Variants in SNTG1 observed in about 807,000 individuals in gnomAD.
SNTG1 encodes gamma-1-syntrophin.
Under a neutral mutation model 74.7 loss-of-function variants are expected in SNTG1, and 39 were observed. The ratio of observed to expected loss-of-function variants is 0.52; its 90% CI spans 0.40 to 0.68. The LOEUF is 0.68. SNTG1 is among the 30% of genes least tolerant of loss of function. SNTG1 has a pLI of 0.00. For missense variants in SNTG1, 685 were observed against 609.5 expected (o/e 1.12, Z -1.30); for synonymous variants, 254 against 217.1 (o/e 1.17, Z -1.49).
intron 15 of SNTG1, among the ~76,000 whole-genome samples, chr8:50,701,800 CTCTTCT>C (rs879524606): frequency 3.5e-5 from 5 of 142,890 alleles, no homozygotes; most frequent in Admixed American, 7.1e-5. Flanking sequence ...CCTCCTCCTC[CTCTTCT>C]TCTTCTTCTT....
chr8:50,209,018 G>A (rs1316824417), intron 2 of SNTG1, among the ~76,000 whole-genome samples: 3 of 152,054 alleles, frequency 2.0e-5, no homozygotes, highest in Non-Finnish European at 2.9e-5. Flanking sequence ...CTGGAAAATC[G>A]GTACATTCCC....
At chr8:50,392,077 G>A (rs897227555) in intron 2 of SNTG1, among the ~76,000 whole-genome samples, 4 of 152,088 alleles carry the variant, frequency 2.6e-5, no homozygotes, top group Non-Finnish European at 5.9e-5. Context: ...AGACAGTAAG[G>A]AAAACTAGGA....
At chr8:50,659,999 C>A (rs1378339376) in intron 15 of SNTG1, among the ~76,000 whole-genome samples, 1 of 151,998 alleles carries the variant, frequency 6.6e-6, no homozygotes, top group South Asian at 2.1e-4. Flanking sequence ...GCCACCATGC[C>A]CAGCTAACTT....
At chr8:50,273,322 T>C (rs1267072440) in intron 2 of SNTG1, among the ~76,000 whole-genome samples, 2 of 152,200 alleles carry the variant, frequency 1.3e-5, no homozygotes. Context: ...ACACAAGTTC[T>C]GACAGAAGTC....
chr8:50,298,260 A>G (rs1012157326), intron 2 of SNTG1, among the ~76,000 whole-genome samples: 14 of 152,140 alleles, frequency 9.2e-5, no homozygotes, highest in African/African-American at 3.4e-4. Context: ...TCAAGAAGTA[A>G]TAATACCTGG....
intron 1 of SNTG1, among the ~76,000 whole-genome samples, chr8:50,166,896 G>A (rs2082632923): frequency 6.6e-6 from 1 of 151,144 alleles, no homozygotes; most frequent in East Asian, 1.9e-4. Context: ...TGATAGACTG[G>A]ATTAAGAAAA....
intron 18 of SNTG1, among the ~76,000 whole-genome samples, chr8:50,780,817 T>G (rs1176003045): frequency 1.3e-5 from 2 of 152,244 alleles, no homozygotes; most frequent in African/African-American, 4.8e-5. Flanking sequence ...TTTGGATCTT[T>G]CCTGCTTTCT....
intron 9 of SNTG1, among the ~76,000 whole-genome samples, chr8:50,506,710 G>T (rs1417284720): frequency 6.6e-6 from 1 of 151,942 alleles, no homozygotes; most frequent in Non-Finnish European, 1.5e-5. Flanking sequence ...TTTTGTGTGT[G>T]TGTTTAAACT....
At chr8:50,444,691 A>C (rs1329999183) in intron 5 of SNTG1, among the ~76,000 whole-genome samples, 2 of 150,784 alleles carry the variant, frequency 1.3e-5, no homozygotes, top group East Asian at 4.0e-4. Flanking sequence ...CAGAGGTTGC[A>C]GTGAGCCAAG....
intron 4 of SNTG1, among the ~76,000 whole-genome samples, chr8:50,403,547 TA>T (rs1303548999): frequency 6.6e-6 from 1 of 152,164 alleles, no homozygotes; most frequent in African/African-American, 2.4e-5. Context: ...GATCAAAAAA[TA>T]AAATCAGTAA....
intron 12 of SNTG1, among the ~76,000 whole-genome samples, chr8:50,573,507 A>G (rs1391198426): frequency 2.0e-5 from 3 of 151,922 alleles, no homozygotes; most frequent in Non-Finnish European, 4.4e-5. Context: ...AAATGTGCAT[A>G]TATTTGTCAT....
At chr8:50,215,382 A>G (rs1488847979) in intron 2 of SNTG1, among the ~76,000 whole-genome samples, 2 of 147,964 alleles carry the variant, frequency 1.4e-5, no homozygotes, top group East Asian at 3.9e-4. Context: ...GTATATAAAT[A>G]TATATATGTG....
At chr8:50,284,096 ACAGAC>A (rs2088627824) in intron 2 of SNTG1, among the ~76,000 whole-genome samples, 1 of 152,096 alleles carries the variant, frequency 6.6e-6, no homozygotes, top group South Asian at 2.1e-4. Context: ...TAACGGTGTC[ACAGAC>A]ATTCTTTGGT....
At chr8:50,471,050 T>C (rs1344319901) in intron 8 of SNTG1, among the ~76,000 whole-genome samples, 1 of 152,066 alleles carries the variant, frequency 6.6e-6, no homozygotes, top group Non-Finnish European at 1.5e-5. Flanking sequence ...ATTGATGCAT[T>C]TACAAACTTT....
intron 1 of SNTG1, among the ~76,000 whole-genome samples, chr8:50,090,040 G>A (rs1016102322): frequency 9.2e-5 from 14 of 152,234 alleles, no homozygotes; most frequent in Middle Eastern, 3.2e-3. Flanking sequence ...GGCTAGGGCC[G>A]TAAGAGTGTC....
intron 5 of SNTG1, among the ~76,000 whole-genome samples, chr8:50,444,075 T>C (rs2093383240): frequency 1.3e-5 from 2 of 151,888 alleles, no homozygotes; most frequent in Admixed American, 1.3e-4. Context: ...GAGGCAGAGG[T>C]CGCAGTGAGC....
At chr8:49,965,251 G>A (rs940692344) in intron 1 of SNTG1, among the ~76,000 whole-genome samples, 2 of 152,188 alleles carry the variant, frequency 1.3e-5, no homozygotes, top group Non-Finnish European at 2.9e-5. Context: ...CAGTTCTCCT[G>A]TGGATTCTAA....
intron 12 of SNTG1, among the ~76,000 whole-genome samples, chr8:50,571,767 C>T (rs893193261): frequency 6.6e-6 from 1 of 152,156 alleles, no homozygotes; most frequent in African/African-American, 2.4e-5. Context: ...TTCGCTCTCA[C>T]CTCCTACCAG....
intron 9 of SNTG1, among the ~76,000 whole-genome samples, chr8:50,504,531 C>T (rs539026318): frequency 7.2e-5 from 11 of 152,224 alleles, no homozygotes; most frequent in South Asian, 6.2e-4. Flanking sequence ...GTGGCCCATG[C>T]GTGTAATCCC....
Sources: allele counts gnomAD v4.1 joint callset (sites outside exome capture counted in the v4.1 genomes callset), GRCh38; gene constraint gnomAD v4.1.1; transcripts MANE v1.5; gene names NCBI Gene and HGNC (gene_info 2026-07-23, HGNC 2026-07-21).